IMMP2L: variants seen among roughly 807,000 people sequenced by gnomAD.
IMMP2L encodes mitochondrial inner membrane protease subunit 2.
Under a neutral mutation model 19.3 loss-of-function variants are expected in IMMP2L, and 18 were observed. The ratio of observed to expected loss-of-function variants is 0.93; its 90% CI spans 0.64 to 1.38. IMMP2L has a LOEUF of 1.38. Among genes scored for constraint, IMMP2L ranks in the 40% most tolerant of loss-of-function variants. The probability of loss-of-function intolerance (pLI) is 0.00; values close to 1 mark genes in which losing one functional copy is unlikely to be tolerated. For missense variants in IMMP2L, 233 were observed against 218.2 expected, an observed-to-expected ratio of 1.07 and a Z score of -0.43; for synonymous variants, 76 against 73.0, an observed-to-expected ratio of 1.04 and a Z score of -0.21.
At chr7:111,151,867 C>T (rs1804111749) in intron 3 of IMMP2L, among the ~76,000 whole-genome samples, 2 of 152,054 alleles carry the variant, frequency 1.3e-5, no homozygotes, top group Admixed American at 1.3e-4. Flanking sequence ...ACCTGGGAGG[C>T]GGAGGTTGCA....
intron 3 of IMMP2L, among the ~76,000 whole-genome samples, chr7:111,120,500 G>C (rs952258555): frequency 1.3e-5 from 2 of 152,070 alleles, no homozygotes; most frequent in African/African-American, 4.8e-5. Context: ...CAACACATGG[G>C]AATTATCGGA....
intron 3 of IMMP2L, among the ~76,000 whole-genome samples, chr7:111,215,820 T>C (rs1415249712): frequency 1.3e-5 from 2 of 152,148 alleles, no homozygotes; most frequent in African/African-American, 2.4e-5. Context: ...CATTCTTTTG[T>C]TCCTTCTTCA....
Position 110,825,258 on chromosome 7 carries a change from T to C in IMMP2L, c.408+61335A>G, listed in dbSNP as rs576488997. ...ATCAATATCGTGAAAATGGCCATAC[T>C]GCCCAAGGTAATTTATAGATTCCAT... On this transcript the variant is annotated intron_variant, in intron 5 of 5. Transcript: ENST00000405709. Among the ~76,000 whole-genome samples the C allele has an allele frequency of 1.3e-4, 20 of 152,264 alleles. No individual in the cohort carries two copies. The East Asian group carries it at 3.9e-3, about 29-fold the overall frequency.
chr7:110,884,363 C>T (rs1037914210), intron 5 of IMMP2L, among the ~76,000 whole-genome samples: 5 of 151,936 alleles, frequency 3.3e-5, no homozygotes, highest in African/African-American at 1.2e-4. Context: ...ATTAGAATCA[C>T]CATGTCTTTA....
intron 3 of IMMP2L, among the ~76,000 whole-genome samples, chr7:111,204,345 A>C (rs1810473675): frequency 6.6e-6 from 1 of 152,156 alleles, no homozygotes; most frequent in African/African-American, 2.4e-5. Context: ...ACAACAACAA[A>C]AAAATCTCAT....
intron 3 of IMMP2L, among the ~76,000 whole-genome samples, chr7:111,082,375 C>T (rs566398064): frequency 1.3e-5 from 2 of 152,262 alleles, no homozygotes; most frequent in Non-Finnish European, 2.9e-5. Flanking sequence ...ACTTGGAATG[C>T]GGCAAAAATA....
chr7:110,941,844 T>C (rs1393516592), intron 4 of IMMP2L, among the ~76,000 whole-genome samples: 1 of 152,048 alleles, frequency 6.6e-6, no homozygotes, highest in Non-Finnish European at 1.5e-5. Flanking sequence ...GACAGTGTGG[T>C]AACAAATTCT....
chr7:111,137,182 A>G (rs1802430714), intron 3 of IMMP2L, among the ~76,000 whole-genome samples: 1 of 152,124 alleles, frequency 6.6e-6, no homozygotes, highest in Non-Finnish European at 1.5e-5. Context: ...AATGTGGTAA[A>G]TTTCCTCCAC....
chr7:111,519,441 A>G (rs1846154160), intron 2 of IMMP2L, among the ~76,000 whole-genome samples: 1 of 152,144 alleles, frequency 6.6e-6, no homozygotes, highest in Non-Finnish European at 1.5e-5. Flanking sequence ...ATTCTAACAT[A>G]ATACATTTGA....
At chr7:111,550,361 T>C (rs1245877836) in intron 1 of IMMP2L, among the ~76,000 whole-genome samples, 4 of 152,152 alleles carry the variant, frequency 2.6e-5, no homozygotes, top group South Asian at 2.1e-4. Context: ...CTCTGTATAC[T>C]ATAAGCATAC....
Position 110,995,085 on chromosome 7 carries a change from A to G in IMMP2L, c.240-31520T>C, listed in dbSNP as rs375787226. Among the ~76,000 whole-genome samples the G allele has an allele frequency of 1.7e-4, 26 of 152,294 alleles. No homozygotes were observed. In the East Asian group the frequency reaches 1.9e-3, roughly 11 times the overall value. ...AAAAGAGACATCTGAAGAGCACCATAGAAGTACAACTAACATGAATATTAG... is the reference window on the plus strand; with the variant it reads ...AAAAGAGACATCTGAAGAGCACCATGGAAGTACAACTAACATGAATATTAG... On this transcript the variant is annotated intron_variant, in intron 3 of 5. Coordinates refer to ENST00000405709, the MANE Select transcript of IMMP2L (RefSeq NM_032549.4).
chr7:111,255,143 A>C (rs1330190397), intron 3 of IMMP2L, among the ~76,000 whole-genome samples: 1 of 152,088 alleles, frequency 6.6e-6, no homozygotes, highest in Non-Finnish European at 1.5e-5. Flanking sequence ...TACATATTTT[A>C]AAGCATATCT....
At chr7:111,242,341 C>A (rs561906239) in intron 3 of IMMP2L, among the ~76,000 whole-genome samples, 86 of 152,164 alleles carry the variant, frequency 5.7e-4, no homozygotes, top group Admixed American at 4.5e-3. Context: ...CAAAGCACTC[C>A]TAACTGAAGT....
At chr7:111,399,947 C>CTATAA (rs1251466631) in intron 3 of IMMP2L, among the ~76,000 whole-genome samples, 2 of 147,566 alleles carry the variant, frequency 1.4e-5, no homozygotes, top group African/African-American at 5.4e-5. Context: ...TCAATTATAT[C>CTATAA]TATAATATAT....
chr7:111,349,845 T>C (rs1827964399), intron 3 of IMMP2L, among the ~76,000 whole-genome samples: 1 of 152,148 alleles, frequency 6.6e-6, no homozygotes. Context: ...GCCCTCTCCC[T>C]GTTCTAGTCA....
At chr7:111,553,702 C>T (rs1014296402) in intron 1 of IMMP2L, among the ~76,000 whole-genome samples, 2 of 152,126 alleles carry the variant, frequency 1.3e-5, no homozygotes, top group African/African-American at 4.8e-5. Flanking sequence ...GGCTTTAGGT[C>T]TTCAACCTTG....
chr7:111,432,937 T>A, intron 3 of IMMP2L, among the ~76,000 whole-genome samples: 1 of 142,212 alleles, frequency 7.0e-6, no homozygotes, highest in African/African-American at 2.7e-5. Flanking sequence ...AAGGAGGCAA[T>A]CCCACTTCCA....
chr7:111,003,689 T>C (rs1400579382), intron 3 of IMMP2L, among the ~76,000 whole-genome samples: 1 of 151,970 alleles, frequency 6.6e-6, no homozygotes, highest in Non-Finnish European at 1.5e-5. Context: ...TTTTTAAATG[T>C]TTTGTAGAAA....
At chr7:110,993,195 AACAG>A (rs1262763841) in intron 3 of IMMP2L, among the ~76,000 whole-genome samples, 1 of 152,114 alleles carries the variant, frequency 6.6e-6, no homozygotes, top group Non-Finnish European at 1.5e-5. Flanking sequence ...AGCCCACAAG[AACAG>A]ACAGACATAT....
Sources: allele counts gnomAD v4.1 joint callset (sites outside exome capture counted in the v4.1 genomes callset), GRCh38; gene constraint gnomAD v4.1.1; transcripts MANE v1.5; gene names NCBI Gene and HGNC (gene_info 2026-07-23, HGNC 2026-07-21).